The following RECK variants were observed in gnomAD, a reference collection of about 807,000 sequenced individuals.
RECK encodes the protein reversion-inducing cysteine-rich protein with Kazal motifs.
In RECK, 69 loss-of-function variants were observed where a neutral mutation model predicts 115.1. The ratio of observed to expected loss-of-function variants is 0.60; its 90% CI spans 0.49 to 0.73. RECK has a LOEUF of 0.73. Ranked by LOEUF, RECK falls within the 30% of genes least tolerant of loss-of-function variation. RECK has a pLI of 0.00. For synonymous variants in RECK, 414 were observed against 419.7 expected (o/e 0.99, Z 0.17); for missense variants, 1,047 against 1,203.7 (o/e 0.87, Z 1.93).
At chr9:36,105,989 G>A (rs1317783934) in intron 13 of RECK, among the ~76,000 whole-genome samples, 10 of 152,016 alleles carry the variant, frequency 6.6e-5, no homozygotes, top group Admixed American at 3.9e-4. Context: ...CAAGGCGGGC[G>A]GATCACGAGG....
At chr9:36,085,981 A>G (rs1822943234) in intron 8 of RECK, 1 of 151,996 alleles carries the variant, frequency 6.6e-6, no homozygotes, top group Non-Finnish European at 1.5e-5. Flanking sequence ...AAAAAAGCAG[A>G]AAGAGGTTTT....
At chr9:36,052,866 C>CA (rs1419765597) in intron 2 of RECK, among the ~76,000 whole-genome samples, 1 of 152,098 alleles carries the variant, frequency 6.6e-6, no homozygotes, top group East Asian at 1.9e-4. Context: ...CTATAAAGGA[C>CA]ATTATCAGGA....
chr9:36,101,422 C>T (rs528181757), intron 11 of RECK, among the ~76,000 whole-genome samples: 1 of 152,274 alleles, frequency 6.6e-6, no homozygotes, highest in Admixed American at 6.5e-5. Context: ...ATATCCAGCC[C>T]CTAAGCTGTT....
At position 36,116,774 on chromosome 9, in the gene RECK, C is replaced by A. The variant is rs543670597; in HGVS notation, c.2061-211C>A. Among the ~76,000 whole-genome samples the A allele has an allele frequency of 3.9e-5, 6 of 152,246 alleles. 1 individual carries two copies. Among genetic ancestry groups the A allele is most frequent in the Non-Finnish European group, 1.5e-5 (1 of 68,042 alleles). ...GGCTCCCCAGACGAGAATGACTCAT[C>A]CCCGCAAGCTTTGTGCACATCTTTT... On this transcript the variant is annotated intron_variant, in intron 16 of 20. Coordinates refer to ENST00000377966, the MANE Select transcript of RECK (RefSeq NM_021111.3).
At position 36,087,433 on chromosome 9, in the gene RECK, T is replaced by C. The variant is rs149553191; in HGVS notation, c.638-261T>C. Reference sequence around the variant, plus strand: ...GCATGTTCTCACTCATAAGTGGGAGTTGAACTATGAGAACACATGGACACA... The same window carrying C: ...GCATGTTCTCACTCATAAGTGGGAGCTGAACTATGAGAACACATGGACACA... On this transcript the variant is annotated intron_variant, in intron 8 of 20. Coordinates refer to ENST00000377966, the MANE Select transcript of RECK (RefSeq NM_021111.3). Among the ~76,000 whole-genome samples, 1,112 of 151,596 alleles carry C rather than the reference T, an allele frequency of 7.3e-3. 12 individuals are homozygous for C. Among genetic ancestry groups the C allele is most frequent in the African/African-American group, 0.024 (990 of 41,270 alleles).
At chr9:36,100,238 T>A (rs1357312615) in intron 10 of RECK, 93 bp from the exon 11 acceptor site, 1 of 994,160 alleles carries the variant, frequency 1.0e-6, no homozygotes, top group Non-Finnish European at 1.5e-6. Flanking sequence ...AAAACCAGAT[T>A]TTTCTGATGC....
chr9:36,101,128 T>C (rs989432595), intron 11 of RECK, among the ~76,000 whole-genome samples: 1 of 152,086 alleles, frequency 6.6e-6, no homozygotes, highest in African/African-American at 2.4e-5. Flanking sequence ...AATGTTTGTA[T>C]TCTTAGTAGA....
intron 9 of RECK, 104 bp downstream of exon 9, chr9:36,088,065 T>A (rs1823033631): frequency 2.2e-5 from 18 of 804,714 alleles, no homozygotes; most frequent in Non-Finnish European, 3.2e-5. Flanking sequence ...GGTATAGGTT[T>A]AGCATTTAGA....
intron 6 of RECK, among the ~76,000 whole-genome samples, chr9:36,070,634 A>C (rs1271618071): frequency 6.6e-6 from 1 of 152,190 alleles, no homozygotes; most frequent in Non-Finnish European, 1.5e-5. Flanking sequence ...ATAACTTCCT[A>C]TCACTGGAAA....
chr9:36,051,640 T>G (rs1821305897), intron 1 of RECK, among the ~76,000 whole-genome samples: 1 of 152,222 alleles, frequency 6.6e-6, no homozygotes, highest in African/African-American at 2.4e-5. Context: ...TCTCTTTCCT[T>G]TCTTTCCATA....
intron 1 of RECK, among the ~76,000 whole-genome samples, chr9:36,045,490 C>T (rs185160586): frequency 3.2e-4 from 48 of 151,768 alleles, no homozygotes; most frequent in Non-Finnish European, 5.9e-4. Context: ...ACTCAATGCA[C>T]GTGCACACAC....
chr9:36,051,173 C>T (rs1054218642), intron 1 of RECK, among the ~76,000 whole-genome samples: 5 of 151,944 alleles, frequency 3.3e-5, no homozygotes, highest in African/African-American at 1.2e-4. Flanking sequence ...AGAAGTATTC[C>T]CTGTTTCTTT....
chr9:36,080,554 A>G (rs1329393662), intron 6 of RECK, 51 bp from the exon 7 acceptor site: 7 of 1,441,734 alleles, frequency 4.9e-6, no homozygotes, highest in Non-Finnish European at 6.8e-6. Context: ...TTAAATTACA[A>G]ATTCTCTCTG....
intron 19 of RECK, 110 bp from the exon 20 acceptor site, chr9:36,121,423 A>G (rs979715959): frequency 7.5e-5 from 75 of 1,000,546 alleles, no homozygotes; most frequent in Non-Finnish European, 1.1e-4. Context: ...CCTTCCGCTG[A>G]GGGCTGTGCG....
rs1460953451 is a variant in RECK at position 36,100,325 on chromosome 9, C to G, written c.1086-6C>G. Reference sequence around the variant, plus strand: ...CTTGATTCTTTCTGGCCTTTTTTCTCTTTAGGCCAACAGAACTTTTCAGGA... The same window carrying G: ...CTTGATTCTTTCTGGCCTTTTTTCTGTTTAGGCCAACAGAACTTTTCAGGA... On this transcript the variant is annotated splice_polypyrimidine_tract_variant and splice_region_variant and intron_variant, in intron 10 of 20. Coordinates refer to ENST00000377966, the MANE Select transcript of RECK (RefSeq NM_021111.3). 6.2e-7 allele frequency: 1 copy of G among 1,610,818 alleles called. No homozygotes were observed. The highest frequency in any genetic ancestry group is 1.7e-4 in the Middle Eastern group (1 of 6,052).
intron 18 of RECK, among the ~76,000 whole-genome samples, chr9:36,119,446 G>C (rs1468127008): frequency 2.0e-5 from 3 of 152,162 alleles, no homozygotes; most frequent in Non-Finnish European, 4.4e-5. Context: ...AATCAGAAAA[G>C]TTTTGTTTCA....
chr9:36,108,893 C>T (rs1200569176), intron 14 of RECK, among the ~76,000 whole-genome samples: 1 of 151,932 alleles, frequency 6.6e-6, no homozygotes, highest in Non-Finnish European at 1.5e-5. Context: ...AGGATCTGTT[C>T]CCTCCCCACA....
chr9:36,045,596 CTTTTT>C (rs74741110), intron 1 of RECK, among the ~76,000 whole-genome samples: 2 of 128,418 alleles, frequency 1.6e-5, no homozygotes, highest in East Asian at 2.2e-4. Flanking sequence ...TAGAGGGAAT[CTTTTT>C]TTTTTTTTTT....
At chr9:36,048,019 T>G (rs1821133418) in intron 1 of RECK, among the ~76,000 whole-genome samples, 1 of 151,176 alleles carries the variant, frequency 6.6e-6, no homozygotes, top group Non-Finnish European at 1.5e-5. Flanking sequence ...CAATCCTACT[T>G]TTCAATAAAA....
Sources: allele counts gnomAD v4.1 joint callset (sites outside exome capture counted in the v4.1 genomes callset), GRCh38; gene constraint gnomAD v4.1.1; transcripts MANE v1.5; gene names NCBI Gene and HGNC (gene_info 2026-07-23, HGNC 2026-07-21).